Variants in TRIM9 observed in about 807,000 individuals in gnomAD.
TRIM9 encodes the protein E3 ubiquitin-protein ligase TRIM9.
TRIM9 carries 26 observed loss-of-function variants against 78.3 expected under a neutral mutation model. That is an observed-to-expected ratio of 0.33 (90% CI 0.24 to 0.46). TRIM9 has a LOEUF of 0.46. Ranked by LOEUF, TRIM9 falls within the 20% of genes least tolerant of loss-of-function variation. The pLI is 1.00. For missense variants in TRIM9, 787 were observed against 1,036.4 expected, an observed-to-expected ratio of 0.76 and a Z score of 3.30; for synonymous variants, 398 against 416.5, an observed-to-expected ratio of 0.96 and a Z score of 0.54.
chr14:51,064,584 T>C (rs1170527578), intron 1 of TRIM9, among the ~76,000 whole-genome samples: 1 of 151,938 alleles, frequency 6.6e-6, no homozygotes, highest in Admixed American at 6.6e-5. Context: ...TATTTCAAAG[T>C]TGGTAGTTGG....
At chr14:50,980,601 G>A (rs2051740174) in intron 11 of TRIM9, among the ~76,000 whole-genome samples, 1 of 152,220 alleles carries the variant, frequency 6.6e-6, no homozygotes, top group Non-Finnish European at 1.5e-5. Flanking sequence ...TGCATAGTGT[G>A]ATGGTTATGT....
chr14:51,040,465 C>T (rs1388489107), intron 1 of TRIM9, among the ~76,000 whole-genome samples: 1 of 152,154 alleles, frequency 6.6e-6, no homozygotes, highest in African/African-American at 2.4e-5. Context: ...CCCACAATGA[C>T]ATAATTTTAT....
chr14:51,044,663 GTGCAGCC>G (rs2059812819), intron 1 of TRIM9, among the ~76,000 whole-genome samples: 3 of 152,226 alleles, frequency 2.0e-5, no homozygotes, highest in African/African-American at 7.2e-5. Flanking sequence ...CCGGATGACA[GTGCAGCC>G]ACTGTATGCT....
intron 3 of TRIM9, among the ~76,000 whole-genome samples, chr14:51,020,982 T>C (rs1254369474): frequency 6.6e-6 from 1 of 152,246 alleles, no homozygotes; most frequent in Non-Finnish European, 1.5e-5. Flanking sequence ...AGTTAAAATG[T>C]TATGGCTAGG....
chr14:51,005,217 C>T (rs1288585581), intron 5 of TRIM9, among the ~76,000 whole-genome samples: 1 of 152,178 alleles, frequency 6.6e-6, no homozygotes, highest in Non-Finnish European at 1.5e-5. Flanking sequence ...CCTCTGGCAG[C>T]TTTCCCCCTA....
chr14:51,084,992 C>G (rs898874289), intron 1 of TRIM9, among the ~76,000 whole-genome samples: 3 of 152,182 alleles, frequency 2.0e-5, no homozygotes, highest in Non-Finnish European at 4.4e-5. Flanking sequence ...GTGTTTAATT[C>G]CCTATATTGC....
At chr14:51,054,731 G>A (rs111247774) in intron 1 of TRIM9, among the ~76,000 whole-genome samples, 47,338 of 151,806 alleles carry the variant, frequency 0.31, 7,696 homozygotes, top group South Asian at 0.53. Context: ...ATGCCACTAC[G>A]CCTAGCTAAT....
At chr14:51,001,431 G>T (rs868399316) in intron 5 of TRIM9, among the ~76,000 whole-genome samples, 5 of 151,954 alleles carry the variant, frequency 3.3e-5, no homozygotes, top group African/African-American at 9.7e-5. Flanking sequence ...GGGTTTCACT[G>T]TGTTAGCCAG....
chr14:50,982,930 G>C lies in TRIM9; in HGVS notation c.1858+12C>G, dbSNP rs1413230709. On this transcript the variant is annotated intron_variant, in intron 10 of 12. Transcript: ENST00000684578. The stretch of plus-strand genomic sequence containing the variant: ...CTTTGCTATTTGGTAACAGAATAAG[G>C]TTATTCCATACCTGCCAACAGCTTT... 1 of 1,547,616 alleles carries C rather than the reference G, an allele frequency of 6.5e-7. No homozygotes were observed. The highest frequency in any genetic ancestry group is 1.4e-5 in the African/African-American group (1 of 73,004).
intron 1 of TRIM9, among the ~76,000 whole-genome samples, chr14:51,077,415 C>T (rs1239681248): frequency 1.0e-5 from 1 of 98,996 alleles, no homozygotes; most frequent in Non-Finnish European, 1.9e-5. Flanking sequence ...TTTTTTGAGA[C>T]AGTGTCTTGC....
chr14:51,043,358 C>T (rs888762095), intron 1 of TRIM9, among the ~76,000 whole-genome samples: 8 of 151,944 alleles, frequency 5.3e-5, no homozygotes, highest in African/African-American at 1.7e-4. Flanking sequence ...AGGGGGTCGG[C>T]GGGGAATAGT....
At chr14:51,027,139 T>A (rs1022413343) in intron 1 of TRIM9, among the ~76,000 whole-genome samples, 647 of 46,314 alleles carry the variant, frequency 0.014, 4 homozygotes, top group African/African-American at 0.088. Context: ...TAACTTTTTT[T>A]TTTTTTTTTT....
intron 1 of TRIM9, among the ~76,000 whole-genome samples, chr14:51,039,719 T>C (rs533086975): frequency 2.1e-4 from 32 of 151,912 alleles, no homozygotes; most frequent in African/African-American, 6.3e-4. Flanking sequence ...AACCTCAGAT[T>C]TGTATATTTT....
chr14:51,028,725 G>T (rs986198462), intron 1 of TRIM9, among the ~76,000 whole-genome samples: 1 of 152,170 alleles, frequency 6.6e-6, no homozygotes, highest in African/African-American at 2.4e-5. Flanking sequence ...AAGGTGTCAC[G>T]ATCTGAAGGT....
chr14:51,011,613 A>T (rs1168035172), intron 3 of TRIM9, among the ~76,000 whole-genome samples: 1 of 152,218 alleles, frequency 6.6e-6, no homozygotes, highest in Non-Finnish European at 1.5e-5. Context: ...ATAATAGCCA[A>T]AAGAGAATCT....
intron 1 of TRIM9, among the ~76,000 whole-genome samples, chr14:51,032,781 T>G (rs1247437451): frequency 6.6e-6 from 1 of 152,216 alleles, no homozygotes; most frequent in African/African-American, 2.4e-5. Context: ...TTACATGAAA[T>G]CATGTATATA....
intron 1 of TRIM9, among the ~76,000 whole-genome samples, chr14:51,077,418 T>C (rs2062898146): frequency 8.1e-6 from 1 of 123,692 alleles, no homozygotes; most frequent in African/African-American, 3.0e-5. Context: ...TTTGAGACAG[T>C]GTCTTGCTCT....
intron 6 of TRIM9, among the ~76,000 whole-genome samples, chr14:50,998,955 G>C (rs557629325): frequency 6.6e-6 from 1 of 152,254 alleles, no homozygotes; most frequent in South Asian, 2.1e-4. Context: ...AGAAGACCAC[G>C]GTCTTGGATC....
chr14:51,026,591 C>G (rs1346539225), intron 1 of TRIM9, among the ~76,000 whole-genome samples: 1 of 152,080 alleles, frequency 6.6e-6, no homozygotes, highest in Non-Finnish European at 1.5e-5. Context: ...ATTCATCTAC[C>G]CTTTCCTTTC....
Sources: gnomAD v4.1 joint callset for allele counts (sites outside exome capture counted in the v4.1 genomes callset) on GRCh38, gnomAD v4.1.1 for gene constraint, MANE v1.5 for transcripts, NCBI Gene and HGNC (gene_info 2026-07-23, HGNC 2026-07-21) for gene names.